HTR1F: variants seen among roughly 807,000 people sequenced by gnomAD.
HTR1F encodes the protein 5-hydroxytryptamine receptor 1F.
A neutral mutation model predicts 24.0 loss-of-function variants in HTR1F; 17 were observed. That is an observed-to-expected ratio of 0.71 (90% CI 0.48 to 1.06). The LOEUF is 1.06. Among genes scored for constraint, HTR1F ranks in the 50% least tolerant of loss-of-function variants. The pLI, the probability that HTR1F is intolerant of heterozygous loss-of-function variation, is 0.00. For synonymous variants in HTR1F, 186 were observed against 156.8 expected (o/e 1.19, Z -1.39); for missense variants, 391 against 427.8 (o/e 0.91, Z 0.76).
At chr3:87,955,819 C>T (rs1402323748) in intron 2 of HTR1F, among the ~76,000 whole-genome samples, 1 of 151,344 alleles carries the variant, frequency 6.6e-6, no homozygotes, top group African/African-American at 2.4e-5. Context: ...GAGATTTGGA[C>T]TATTCAAATA....
chr3:87,972,254 A>G (rs1559653343), intron 2 of HTR1F, among the ~76,000 whole-genome samples: 1 of 152,206 alleles, frequency 6.6e-6, no homozygotes, highest in Admixed American at 6.5e-5. Context: ...TCCCATTACC[A>G]TATACATATA....
rs1444494437 is a variant in HTR1F at position 87,847,038 on chromosome 3, C to A, written c.-43+24914C>A. On this transcript the variant is annotated intron_variant, in intron 2 of 2. Transcript: ENST00000319595. ...TGGGGAAAAATAAAAACAAAAATAG[C>A]CCAAACATTTAAATACAAAATGGGG... Among the ~76,000 whole-genome samples, 12 of 150,604 alleles carry A rather than the reference C, an allele frequency of 8.0e-5. 1 individual carries two copies. The highest frequency in any genetic ancestry group is 2.5e-4 in the African/African-American group (10 of 40,790).
chr3:87,869,810 C>T (rs1705515938), intron 2 of HTR1F, among the ~76,000 whole-genome samples: 1 of 152,092 alleles, frequency 6.6e-6, no homozygotes, highest in Non-Finnish European at 1.5e-5. Flanking sequence ...ATGTTAATCT[C>T]ACCCAAAACA....
intron 2 of HTR1F, among the ~76,000 whole-genome samples, chr3:87,872,357 C>T (rs967804796): frequency 6.6e-6 from 1 of 151,898 alleles, no homozygotes; most frequent in African/African-American, 2.4e-5. Context: ...CTTCTTGTTA[C>T]TATGCAAGTA....
At chr3:87,801,653 G>C (rs1376172492) in intron 1 of HTR1F, among the ~76,000 whole-genome samples, 1 of 152,172 alleles carries the variant, frequency 6.6e-6, no homozygotes, top group Non-Finnish European at 1.5e-5. Flanking sequence ...ATTCCTTTGA[G>C]TTTCTGATTA....
At chr3:87,860,566 G>T (rs549875127) in intron 2 of HTR1F, among the ~76,000 whole-genome samples, 4 of 152,014 alleles carry the variant, frequency 2.6e-5, no homozygotes, top group African/African-American at 9.7e-5. Flanking sequence ...AAAAACTAAC[G>T]TGTATATTGA....
At chr3:87,860,932 A>C (rs1485825861) in intron 2 of HTR1F, among the ~76,000 whole-genome samples, 1 of 152,172 alleles carries the variant, frequency 6.6e-6, no homozygotes, top group Non-Finnish European at 1.5e-5. Context: ...TGAGGCGGGC[A>C]GGTCACTTGA....
intron 2 of HTR1F, among the ~76,000 whole-genome samples, chr3:87,950,877 AG>A (rs1242924422): frequency 2.0e-5 from 3 of 152,176 alleles, no homozygotes; most frequent in Non-Finnish European, 4.4e-5. Context: ...TCTAGTGATA[AG>A]CCTTATCAAA....
chr3:87,983,784 AC>A (rs747625416), intron 2 of HTR1F, among the ~76,000 whole-genome samples: 23 of 152,226 alleles, frequency 1.5e-4, no homozygotes, highest in Admixed American at 2.6e-4. Context: ...GAGTAAAAAA[AC>A]ATAGACCATT....
At chr3:87,986,903 T>A (rs1457110737) in intron 2 of HTR1F, among the ~76,000 whole-genome samples, 1 of 152,044 alleles carries the variant, frequency 6.6e-6, no homozygotes, top group Non-Finnish European at 1.5e-5. Flanking sequence ...CCAGGAGTTC[T>A]GAACCACCCT....
intron 2 of HTR1F, among the ~76,000 whole-genome samples, chr3:87,934,259 T>C (rs920110003): frequency 2.0e-5 from 3 of 152,200 alleles, no homozygotes; most frequent in Admixed American, 2.0e-4. Context: ...GGTTAACACA[T>C]GCTAAGAGTT....
intron 2 of HTR1F, among the ~76,000 whole-genome samples, chr3:87,948,850 G>A (rs981954516): frequency 2.6e-5 from 4 of 152,036 alleles, no homozygotes; most frequent in African/African-American, 9.7e-5. Context: ...TTAATGTTAT[G>A]CCATGTTTGT....
chr3:87,890,497 T>C (rs1013697349), intron 2 of HTR1F, among the ~76,000 whole-genome samples: 4 of 150,438 alleles, frequency 2.7e-5, no homozygotes, highest in African/African-American at 9.7e-5. Flanking sequence ...ACAATGTATG[T>C]AAGTAACTAT....
intron 2 of HTR1F, among the ~76,000 whole-genome samples, chr3:87,931,372 G>A (rs1473807248): frequency 3.3e-5 from 5 of 152,094 alleles, no homozygotes; most frequent in African/African-American, 4.8e-5. Context: ...TACAAAGGAC[G>A]TGAACTCATC....
intron 2 of HTR1F, among the ~76,000 whole-genome samples, chr3:87,875,667 G>A (rs1575974331): frequency 6.6e-6 from 1 of 151,942 alleles, no homozygotes; most frequent in Admixed American, 6.6e-5. Flanking sequence ...GCTCACACCT[G>A]TAATCTCATC....
chr3:87,833,200 G>A (rs2107158049), intron 2 of HTR1F, among the ~76,000 whole-genome samples: 1 of 152,244 alleles, frequency 6.6e-6, no homozygotes, highest in African/African-American at 2.4e-5. Context: ...TCCTTTGGGA[G>A]GTGTTTCTAG....
intron 2 of HTR1F, among the ~76,000 whole-genome samples, chr3:87,930,251 G>A (rs1026268386): frequency 6.6e-6 from 1 of 152,046 alleles, no homozygotes; most frequent in Non-Finnish European, 1.5e-5. Flanking sequence ...TTGACTTCCT[G>A]TCTTCCTATT....
intron 2 of HTR1F, among the ~76,000 whole-genome samples, chr3:87,906,728 T>C (rs1703676274): frequency 6.6e-6 from 1 of 151,668 alleles, no homozygotes; most frequent in South Asian, 2.1e-4. Flanking sequence ...AAGTTCATTG[T>C]ATCATTCTTA....
At chr3:87,853,103 GTTTC>G (rs1483982776) in intron 2 of HTR1F, among the ~76,000 whole-genome samples, 2 of 151,346 alleles carry the variant, frequency 1.3e-5, no homozygotes, top group African/African-American at 4.9e-5. Context: ...CACTCCGCTA[GTTTC>G]TTTGTTTGTT....
Sources: allele counts gnomAD v4.1 joint callset (sites outside exome capture counted in the v4.1 genomes callset), GRCh38; gene constraint gnomAD v4.1.1; transcripts MANE v1.5; gene names NCBI Gene and HGNC (gene_info 2026-07-23, HGNC 2026-07-21).